SHANK2: variants seen among roughly 807,000 people sequenced by gnomAD.
SHANK2 encodes SH3 and multiple ankyrin repeat domains 2.
SHANK2 carries 43 observed loss-of-function variants against 133.7 expected under a neutral mutation model. The observed-to-expected ratio is 0.32, with a 90% confidence interval of 0.25 to 0.41. The LOEUF is 0.41. Among genes scored for constraint, SHANK2 ranks in the 10% least tolerant of loss-of-function variants. The probability of loss-of-function intolerance (pLI) is 1.00; values close to 1 mark genes in which losing one functional copy is unlikely to be tolerated. For missense variants in SHANK2, 1,994 were observed against 2,235.8 expected, an observed-to-expected ratio of 0.89 and a Z score of 2.18; for synonymous variants, 1,017 against 952.8, an observed-to-expected ratio of 1.07 and a Z score of -1.24.
chr11:70,538,131 C>T (rs562671279), intron 17 of SHANK2, among the ~76,000 whole-genome samples: 150 of 152,316 alleles, frequency 9.8e-4, no homozygotes, highest in Non-Finnish European at 1.7e-3. Context: ...GGGATTCAGG[C>T]GGTCACTGTC....
chr11:70,829,036 C>A (rs528976696), intron 11 of SHANK2, among the ~76,000 whole-genome samples: 1 of 152,206 alleles, frequency 6.6e-6, no homozygotes, highest in Non-Finnish European at 1.5e-5. Context: ...CTGAGGCCAG[C>A]GGTGTCCTGT....
rs1188013622 is a variant in SHANK2, at chr11:71,167,423, C to G, written c.-12-20085G>C. Among the ~76,000 whole-genome samples, 5 of 144,202 alleles carry G rather than the reference C, an allele frequency of 3.5e-5. No individual in the cohort carries two copies. The East Asian group carries it at 9.0e-4, about 26-fold the overall frequency. 94.6% of individuals were successfully genotyped at this position (144,202 alleles called of 152,430 possible). On this transcript the variant is annotated intron_variant, in intron 2 of 25. Coordinates refer to ENST00000601538, the MANE Select transcript of SHANK2 (RefSeq NM_012309.5). ...CTGGCCGGGCGGGGGGCTGACCCCCCCCACCTCCCTCCCAGACGGGGCGGC... is the reference window on the plus strand; with the variant it reads ...CTGGCCGGGCGGGGGGCTGACCCCCGCCACCTCCCTCCCAGACGGGGCGGC...
intron 13 of SHANK2, among the ~76,000 whole-genome samples, chr11:70,801,974 G>A (rs1012315477): frequency 2.6e-5 from 4 of 152,090 alleles, no homozygotes; most frequent in South Asian, 2.1e-4. Context: ...CAGCCAAACC[G>A]AGGGGCAGGA....
intron 6 of SHANK2, among the ~76,000 whole-genome samples, chr11:71,098,585 G>C (rs1951666868): frequency 6.6e-6 from 1 of 152,160 alleles, no homozygotes. Flanking sequence ...GAAAGGGATG[G>C]GGAATGAACC....
At chr11:70,763,008 C>T (rs968881140) in intron 14 of SHANK2, among the ~76,000 whole-genome samples, 1 of 152,228 alleles carries the variant, frequency 6.6e-6, no homozygotes, top group Non-Finnish European at 1.5e-5. Context: ...CACCTGGGCA[C>T]ATCCCTCCCA....
At chr11:71,058,717 C>T (rs1369625821) in intron 9 of SHANK2, among the ~76,000 whole-genome samples, 1 of 152,226 alleles carries the variant, frequency 6.6e-6, no homozygotes, top group African/African-American at 2.4e-5. Flanking sequence ...GTACAGACAA[C>T]AGGTGTGACC....
At chr11:70,814,006 G>A (rs1424719128) in intron 12 of SHANK2, among the ~76,000 whole-genome samples, 1 of 152,180 alleles carries the variant, frequency 6.6e-6, no homozygotes, top group Non-Finnish European at 1.5e-5. Context: ...GGCCCCGGCT[G>A]TCTGCCAGAC....
At chr11:70,873,373 C>T (rs782558065) in intron 11 of SHANK2, among the ~76,000 whole-genome samples, 5 of 152,348 alleles carry the variant, frequency 3.3e-5, no homozygotes, top group Non-Finnish European at 2.9e-5. Flanking sequence ...GAGGGCCCAA[C>T]GGCCCCAGAC....
At chr11:71,233,549 C>A (rs1954779272) in intron 1 of SHANK2, among the ~76,000 whole-genome samples, 1 of 152,182 alleles carries the variant, frequency 6.6e-6, no homozygotes. Context: ...TAAATCGACT[C>A]CGATGGTTGC....
At chr11:70,943,013 A>G in intron 10 of SHANK2, 1 of 455,272 alleles carries the variant, frequency 2.2e-6, no homozygotes, top group South Asian at 1.6e-5. Flanking sequence ...TTGTAATACA[A>G]TACAGAAAAG....
chr11:70,868,973 G>T lies in SHANK2; in HGVS notation c.1174+27528C>A, dbSNP rs78048737. Among the ~76,000 whole-genome samples the T allele has an allele frequency of 7.2e-3, 1,098 of 152,306 alleles. 4 individuals are homozygous for T. Among genetic ancestry groups the T allele is most frequent in the Non-Finnish European group, 0.012 (825 of 68,020 alleles). On this transcript the variant is annotated intron_variant, in intron 11 of 25. Transcript: ENST00000601538. ...CGCAGGCTTCACCCCCAGGATATCA[G>T]CATGTGTGCGACTGTATAGGGAGAT...
intron 17 of SHANK2, chr11:70,647,290 C>T (rs767712768): frequency 2.6e-5 from 4 of 152,228 alleles, no homozygotes; most frequent in South Asian, 2.1e-4. Flanking sequence ...TTGTTCCTTC[C>T]GGCTTTCTGC....
At chr11:71,098,951 G>A (rs1294153655) in intron 6 of SHANK2, among the ~76,000 whole-genome samples, 3 of 152,170 alleles carry the variant, frequency 2.0e-5, no homozygotes, top group Non-Finnish European at 4.4e-5. Flanking sequence ...CACGAGCTCA[G>A]CCAGGAGATG....
chr11:70,798,644 G>A, intron 13 of SHANK2, 88 bp from the exon 14 acceptor site: 1 of 691,536 alleles, frequency 1.4e-6, no homozygotes, highest in Middle Eastern at 2.4e-4. Context: ...GGCAGAGGCA[G>A]GAGAATCAGC....
At chr11:71,084,257 C>A (rs1951347209) in intron 8 of SHANK2, among the ~76,000 whole-genome samples, 1 of 152,180 alleles carries the variant, frequency 6.6e-6, no homozygotes, top group Admixed American at 6.5e-5. Context: ...AGGCATAAGC[C>A]ACCGCACCCG....
At chr11:70,947,839 G>A (rs1364984843) in intron 10 of SHANK2, among the ~76,000 whole-genome samples, 6 of 152,166 alleles carry the variant, frequency 3.9e-5, no homozygotes, top group African/African-American at 1.4e-4. Flanking sequence ...CTGGGTGGGT[G>A]ACGGATGCAC....
At chr11:71,114,482 A>C (rs1047526164) in intron 4 of SHANK2, among the ~76,000 whole-genome samples, 3 of 152,228 alleles carry the variant, frequency 2.0e-5, no homozygotes, top group African/African-American at 7.2e-5. Flanking sequence ...CAAAATGGCT[A>C]TTTGACAAAA....
At chr11:70,734,163 G>A (rs1342332639) in intron 14 of SHANK2, among the ~76,000 whole-genome samples, 2 of 152,190 alleles carry the variant, frequency 1.3e-5, no homozygotes, top group Admixed American at 6.5e-5. Context: ...GCCCGCGGGA[G>A]GGAGTGCCGG....
At chr11:70,907,610 A>T (rs1321249896) in intron 10 of SHANK2, 7 of 170,652 alleles carry the variant, frequency 4.1e-5, no homozygotes, top group African/African-American at 1.4e-4. Context: ...TTGAATGCAG[A>T]GATCCATATA....
Sources: allele counts gnomAD v4.1 joint callset (sites outside exome capture counted in the v4.1 genomes callset), GRCh38; gene constraint gnomAD v4.1.1; transcripts MANE v1.5; gene names NCBI Gene and HGNC (gene_info 2026-07-23, HGNC 2026-07-21).